Variants in SLC5A8 observed in about 807,000 individuals in gnomAD.
The protein encoded by SLC5A8 is sodium-coupled monocarboxylate transporter 1.
SLC5A8 carries 55 observed loss-of-function variants against 71.9 expected under a neutral mutation model. The ratio of observed to expected loss-of-function variants is 0.77; its 90% CI spans 0.62 to 0.96. SLC5A8 has a LOEUF of 0.96. SLC5A8 is among the 40% of genes least tolerant of loss of function. The probability of loss-of-function intolerance (pLI) is 0.00; values close to 1 mark genes in which losing one functional copy is unlikely to be tolerated. For missense variants in SLC5A8, 701 were observed against 745.3 expected, an observed-to-expected ratio of 0.94 and a Z score of 0.69; for synonymous variants, 307 against 276.1, an observed-to-expected ratio of 1.11 and a Z score of -1.11.
At chr12:101,189,083 T>C (rs1462061867) in intron 6 of SLC5A8, among the ~76,000 whole-genome samples, 1 of 152,298 alleles carries the variant, frequency 6.6e-6, no homozygotes, top group East Asian at 1.9e-4. Flanking sequence ...TGGGAATTGA[T>C]TTTTATCAAG....
At chr12:101,203,555 C>A (rs1479927498) in intron 2 of SLC5A8, among the ~76,000 whole-genome samples, 3 of 152,188 alleles carry the variant, frequency 2.0e-5, no homozygotes, top group Non-Finnish European at 4.4e-5. Context: ...CCATGTTGGC[C>A]AGGCTGGTCT....
intron 10 of SLC5A8, among the ~76,000 whole-genome samples, chr12:101,170,294 T>G (rs924170768): frequency 1.2e-4 from 19 of 152,206 alleles, no homozygotes; most frequent in African/African-American, 4.6e-4. Flanking sequence ...ATAAACAAAT[T>G]TTTTTTAATG....
chr12:101,163,678 A>AACAAAG (rs2051743057), intron 12 of SLC5A8, among the ~76,000 whole-genome samples: 1 of 152,212 alleles, frequency 6.6e-6, no homozygotes, highest in African/African-American at 2.4e-5. Context: ...CAAAAACAAA[A>AACAAAG]CAATGAGAAC....
intron 4 of SLC5A8, among the ~76,000 whole-genome samples, chr12:101,194,378 C>T (rs532668585): frequency 2.0e-5 from 3 of 152,320 alleles, no homozygotes; most frequent in South Asian, 4.1e-4. Flanking sequence ...CTCACTGCCT[C>T]GGACCAGCAC....
intron 1 of SLC5A8, among the ~76,000 whole-genome samples, chr12:101,208,569 G>T (rs7962305): frequency 6.7e-6 from 1 of 150,326 alleles, no homozygotes; most frequent in South Asian, 2.2e-4. Context: ...TAAACTAAAC[G>T]TGCATCATCT....
intron 7 of SLC5A8, among the ~76,000 whole-genome samples, chr12:101,185,625 T>C (rs930722433): frequency 6.6e-6 from 1 of 152,148 alleles, no homozygotes; most frequent in Non-Finnish European, 1.5e-5. Context: ...CTCACCCAGG[T>C]TGGAGTGCAG....
chr12:101,195,239 G>A, intron 3 of SLC5A8, 77 bp from the exon 4 acceptor site: 2 of 1,491,526 alleles, frequency 1.3e-6, no homozygotes, highest in Non-Finnish European at 1.8e-6. Flanking sequence ...CATCAGAGAA[G>A]GAAGCTATAT....
chr12:101,194,963 A>T (rs1433165874), intron 4 of SLC5A8, 132 bp downstream of exon 4: 3 of 758,668 alleles, frequency 4.0e-6, no homozygotes, highest in Non-Finnish European at 6.5e-6. Context: ...CACACAAAAA[A>T]AGTTACACTG....
intron 7 of SLC5A8, among the ~76,000 whole-genome samples, chr12:101,187,001 T>C (rs1868671496): frequency 6.6e-6 from 1 of 152,146 alleles, no homozygotes; most frequent in African/African-American, 2.4e-5. Context: ...AATTGGAAGA[T>C]AAATTGCTTA....
At chr12:101,176,223 C>T (rs953596288) in intron 10 of SLC5A8, among the ~76,000 whole-genome samples, 3 of 152,024 alleles carry the variant, frequency 2.0e-5, no homozygotes, top group Admixed American at 6.5e-5. Context: ...AAATACACCT[C>T]ACAGCAAAAA....
intron 10 of SLC5A8, among the ~76,000 whole-genome samples, chr12:101,174,996 T>C (rs1387939088): frequency 1.3e-5 from 2 of 152,106 alleles, no homozygotes; most frequent in East Asian, 3.9e-4. Flanking sequence ...TGATAAAAAA[T>C]TTAAAACAGC....
intron 2 of SLC5A8, among the ~76,000 whole-genome samples, 176 bp downstream of exon 2, chr12:101,204,320 CTGTT>C (rs796503543): frequency 1.6e-4 from 24 of 152,308 alleles, no homozygotes; most frequent in African/African-American, 5.8e-4. Context: ...TACTGAAACA[CTGTT>C]TGATGATCTT....
Position 101,195,149 on chromosome 12 carries a change from A to G in SLC5A8, c.483T>C (p.Asp161=), listed in dbSNP as rs1369615386. The G allele has an allele frequency of 6.2e-7, 1 of 1,613,998 alleles. No individual in the cohort carries two copies. The highest frequency in any genetic ancestry group is 2.2e-5 in the East Asian group (1 of 44,896). ...CCGTTGCCACTACCGCGCCCCACAG[A>G]TCAAATCCTGTGACTGTAGAAAAAA... ...ALALNQVTGF[D]LWGAVVATGV... Residue 161 remains aspartate (D), a synonymous_variant, in exon 4 of 15, where the codon GAT becomes GAC. Transcript: ENST00000536262.
intron 1 of SLC5A8, among the ~76,000 whole-genome samples, chr12:101,209,244 T>C (rs1869807652): frequency 1.3e-5 from 2 of 152,140 alleles, no homozygotes; most frequent in Non-Finnish European, 2.9e-5. Context: ...TTTGGAAGCC[T>C]CTTTTTTTCA....
intron 10 of SLC5A8, among the ~76,000 whole-genome samples, chr12:101,168,669 A>C (rs1242050018): frequency 6.6e-6 from 1 of 152,246 alleles, no homozygotes; most frequent in Non-Finnish European, 1.5e-5. Flanking sequence ...ATACGATTTT[A>C]AAAAGACTGA....
chr12:101,158,588 CTCTCTCTCTCTATATATATATATATATA>C (rs1473507825), intron 13 of SLC5A8, among the ~76,000 whole-genome samples: 4 of 38,068 alleles, frequency 1.1e-4, no homozygotes, highest in Admixed American at 3.8e-4. Context: ...CTCTCTCTCT[CTCTCTCTCTCTATATATATATATATATA>C]TATATATATA....
intron 3 of SLC5A8, among the ~76,000 whole-genome samples, chr12:101,195,570 C>T (rs1869135246): frequency 6.6e-6 from 1 of 151,812 alleles, no homozygotes; most frequent in Admixed American, 6.6e-5. Context: ...AATATAATGA[C>T]AATATCAAAT....
chr12:101,173,094 GAC>G (rs2051845737), intron 10 of SLC5A8, among the ~76,000 whole-genome samples: 1 of 152,210 alleles, frequency 6.6e-6, no homozygotes, highest in Non-Finnish European at 1.5e-5. Flanking sequence ...GGACTGCAGG[GAC>G]AGTTATGTCT....
At chr12:101,159,704 A>G (rs1328075008) in intron 13 of SLC5A8, among the ~76,000 whole-genome samples, 1 of 152,232 alleles carries the variant, frequency 6.6e-6, no homozygotes, top group Non-Finnish European at 1.5e-5. Flanking sequence ...ATATAGCTGT[A>G]TATGGTTTTT....
Sources: allele counts gnomAD v4.1 joint callset (sites outside exome capture counted in the v4.1 genomes callset), GRCh38; gene constraint gnomAD v4.1.1; transcripts MANE v1.5; gene names NCBI Gene and HGNC (gene_info 2026-07-23, HGNC 2026-07-21).